IGSF10: variants seen among roughly 807,000 people sequenced by gnomAD.
IGSF10 encodes immunoglobulin superfamily member 10, also known as calvaria mechanical force protein 608.
IGSF10 carries 126 observed loss-of-function variants against 128.2 expected under a neutral mutation model. That is an observed-to-expected ratio of 0.98 (90% CI 0.85 to 1.14). IGSF10 has a LOEUF of 1.14. IGSF10 is among the 50% of genes most tolerant of loss of function. The probability of loss-of-function intolerance (pLI) is 0.00; values close to 1 mark genes in which losing one functional copy is unlikely to be tolerated. For missense variants in IGSF10, 3,295 were observed against 3,149.8 expected (o/e 1.05, Z -1.10); for synonymous variants, 1,185 against 1,146.2 (o/e 1.03, Z -0.68).
the IGSF10 span, among the ~76,000 whole-genome samples, chr3:151,536,714 T>C: frequency 2.0e-5 from 3 of 152,218 alleles, no homozygotes; most frequent in African/African-American, 7.2e-5. Flanking sequence ...AAAAAGATTT[T>C]GTTTTCTCTT....
chr3:151,562,396 C>T, the IGSF10 span, among the ~76,000 whole-genome samples: 1 of 152,098 alleles, frequency 6.6e-6, no homozygotes, highest in Non-Finnish European at 1.5e-5. Flanking sequence ...TATGGAGTAG[C>T]CATTCTTTAT....
At position 151,460,270 on chromosome 3, in the gene IGSF10, T is replaced by TC; in HGVS notation, c.-12dup. 1 of 964,570 alleles carries TC rather than the reference T, an allele frequency of 1.0e-6. No homozygotes were observed. Among genetic ancestry groups the TC allele is most frequent in the Non-Finnish European group, 1.2e-6 (1 of 810,822 alleles). 59.8% of individuals were successfully genotyped at this position (964,570 alleles called of 1,614,324 possible). The stretch of plus-strand genomic sequence containing the variant: ...TAGGAATTGGCAATACCTGAGCTCT[T>TC]CTTTCAGGTCCTGAGTCCTCTTGTG... On this transcript the variant is annotated 5_prime_UTR_variant, in exon 2 of 8. Coordinates refer to ENST00000282466, the MANE Select transcript of IGSF10 (RefSeq NM_178822.5).
chr3:151,493,336 A>G, the IGSF10 span, among the ~76,000 whole-genome samples: 1 of 152,204 alleles, frequency 6.6e-6, no homozygotes, highest in Non-Finnish European at 1.5e-5. Context: ...TTGCTTCACT[A>G]TAGTAACCAT....
chr3:151,482,907 GTT>G, the IGSF10 span, among the ~76,000 whole-genome samples: 68 of 150,530 alleles, frequency 4.5e-4, no homozygotes, highest in Middle Eastern at 6.9e-3. Context: ...GTGTTTTTTT[GTT>G]TTTTTTTTTA....
At chr3:151,535,862 C>A in the IGSF10 span, among the ~76,000 whole-genome samples, 1 of 152,106 alleles carries the variant, frequency 6.6e-6, no homozygotes, top group Non-Finnish European at 1.5e-5. Context: ...AATGATAGAG[C>A]AAAACTCATT....
At chr3:151,517,475 G>A in the IGSF10 span, among the ~76,000 whole-genome samples, 762 of 152,070 alleles carry the variant, frequency 5.0e-3, 7 homozygotes, top group Middle Eastern at 0.017. Flanking sequence ...TCTCTCAAAA[G>A]TTTTAAATCT....
At chr3:151,525,617 G>A in the IGSF10 span, among the ~76,000 whole-genome samples, 35 of 152,250 alleles carry the variant, frequency 2.3e-4, no homozygotes, top group Admixed American at 4.6e-4. Context: ...TATTCACGTT[G>A]TTGGTAGAAT....
At position 151,445,856 on chromosome 3, in the gene IGSF10, T is replaced by C. The variant is rs1467379489; in HGVS notation, c.4125A>G (p.Thr1375=). 6.2e-7 allele frequency: 1 copy of C among 1,614,072 alleles called. No individual in the cohort carries two copies. Residue 1375 remains threonine (T), a synonymous_variant, in exon 6 of 8, where the codon ACA becomes ACG. Transcript: ENST00000282466. ...SSGFTTPTAM[T]PPVLTTAETS... ...TTTCGGCTGTGGTTAGAACAGGAGGTGTCATAGCAGTGGGTGTAGTGAAGC... is the reference window on the plus strand; with the variant it reads ...TTTCGGCTGTGGTTAGAACAGGAGGCGTCATAGCAGTGGGTGTAGTGAAGC...
At chr3:151,561,339 C>T in the IGSF10 span, among the ~76,000 whole-genome samples, 1 of 152,140 alleles carries the variant, frequency 6.6e-6, no homozygotes. Context: ...TAAATGAGAA[C>T]TTAGTCTACT....
chr3:151,617,710 G>C, the IGSF10 span, among the ~76,000 whole-genome samples: 60,368 of 151,720 alleles, frequency 0.4, 12,746 homozygotes, highest in East Asian at 0.64. Flanking sequence ...AAGTGTTATA[G>C]TGTGAATATT....
At chr3:151,602,425 G>A in the IGSF10 span, among the ~76,000 whole-genome samples, 1 of 152,102 alleles carries the variant, frequency 6.6e-6, no homozygotes, top group Admixed American at 6.6e-5. Context: ...ATTATTCCAA[G>A]TGGCCCAATG....
At chr3:151,568,015 G>A in the IGSF10 span, among the ~76,000 whole-genome samples, 2 of 152,036 alleles carry the variant, frequency 1.3e-5, no homozygotes, top group African/African-American at 4.8e-5. Context: ...TTAAAACAAA[G>A]CCTCTCTCTC....
At chr3:151,578,803 C>G in the IGSF10 span, among the ~76,000 whole-genome samples, 1 of 152,166 alleles carries the variant, frequency 6.6e-6, no homozygotes, top group African/African-American at 2.4e-5. Context: ...GAGGGAAGGA[C>G]AGAAAATTGC....
At chr3:151,579,515 G>C in the IGSF10 span, among the ~76,000 whole-genome samples, 28 of 151,434 alleles carry the variant, frequency 1.8e-4, no homozygotes, top group African/African-American at 6.6e-4. Flanking sequence ...CTGTAAGAGA[G>C]AATGATATAG....
At chr3:151,451,254 C>G (rs116665354) in intron 5 of IGSF10, among the ~76,000 whole-genome samples, 1 of 151,040 alleles carries the variant, frequency 6.6e-6, no homozygotes, top group African/African-American at 2.4e-5. Flanking sequence ...TGTCTTTCAT[C>G]ATGACCCAAG....
chr3:151,465,207 G>A (rs934568042), upstream of IGSF10, among the ~76,000 whole-genome samples: 1 of 152,232 alleles, frequency 6.6e-6, no homozygotes, highest in African/African-American at 2.4e-5. Context: ...GAGGATGGAT[G>A]AATCTCACAT....
the IGSF10 span, among the ~76,000 whole-genome samples, chr3:151,521,239 A>G: frequency 2.0e-5 from 3 of 152,020 alleles, no homozygotes; most frequent in Non-Finnish European, 2.9e-5. Flanking sequence ...TTAGAGACCT[A>G]CAGAGAGACA....
chr3:151,580,920 C>G, the IGSF10 span, among the ~76,000 whole-genome samples: 1 of 151,704 alleles, frequency 6.6e-6, no homozygotes, highest in Non-Finnish European at 1.5e-5. Flanking sequence ...CTCATGACAC[C>G]CAAATTCCAG....
chr3:151,607,452 TTAAA>T, the IGSF10 span, among the ~76,000 whole-genome samples: 1 of 152,022 alleles, frequency 6.6e-6, no homozygotes, highest in Non-Finnish European at 1.5e-5. Context: ...CCTTGGGCGT[TTAAA>T]TGATAAATTC....
Sources: allele counts gnomAD v4.1 joint callset (sites outside exome capture counted in the v4.1 genomes callset), GRCh38; gene constraint gnomAD v4.1.1; transcripts MANE v1.5; gene names NCBI Gene and HGNC (gene_info 2026-07-23, HGNC 2026-07-21).